EPS8: variants seen among roughly 807,000 people sequenced by gnomAD.
EPS8 encodes EGFR pathway substrate 8, signaling adaptor, also known as epidermal growth factor receptor kinase substrate 8.
A neutral mutation model predicts 103.8 loss-of-function variants in EPS8; 42 were observed. The observed-to-expected ratio is 0.40, with a 90% confidence interval of 0.32 to 0.52. EPS8 has a LOEUF of 0.52. EPS8 is among the 20% of genes least tolerant of loss of function. EPS8 has a pLI of 0.40. For synonymous variants in EPS8, 344 were observed against 344.6 expected, an observed-to-expected ratio of 1.00 and a Z score of 0.02; for missense variants, 969 against 1,005.1, an observed-to-expected ratio of 0.96 and a Z score of 0.49.
In EPS8 at chr12:15,693,210, C is replaced by T. The variant is rs1051529176; in HGVS notation, c.-21-10238G>A. On this transcript the variant is annotated intron_variant, in intron 1 of 20. Coordinates refer to ENST00000281172, the MANE Select transcript of EPS8 (RefSeq NM_004447.6). This position sits in a 1 kb window ranked among gnomAD's most constrained non-coding sequence, Gnocchi z 5.6. Reference sequence around the variant, plus strand: ...TCAGTCAGGTTCTCCAAGGAAGTATCTTCCCATTCCATGTTTAGAGAATGT... The same window carrying T: ...TCAGTCAGGTTCTCCAAGGAAGTATTTTCCCATTCCATGTTTAGAGAATGT... 2.0e-5 allele frequency among the ~76,000 whole-genome samples: 3 copies of T among 152,192 alleles called. No homozygotes were observed. Among genetic ancestry groups the T allele is most frequent in the African/African-American group, 7.2e-5 (3 of 41,438 alleles).
chr12:15,651,655 T>C (rs1171734293), intron 13 of EPS8, among the ~76,000 whole-genome samples: 1 of 152,212 alleles, frequency 6.6e-6, no homozygotes, highest in African/African-American at 2.4e-5. Flanking sequence ...ATCCTAATCA[T>C]TCATGAACCA....
chr12:15,788,278 T>A (rs1035573607), intron 1 of EPS8, among the ~76,000 whole-genome samples: 6 of 152,220 alleles, frequency 3.9e-5, no homozygotes, highest in Admixed American at 3.3e-4. Flanking sequence ...CACATTTCAC[T>A]GAAACATATT....
chr12:15,687,617 T>C (rs1394894528), intron 1 of EPS8, among the ~76,000 whole-genome samples: 1 of 152,222 alleles, frequency 6.6e-6, no homozygotes, highest in Non-Finnish European at 1.5e-5. Context: ...AAATTTAATA[T>C]GCAACTTTAG....
chr12:15,654,544 T>C, intron 12 of EPS8: 1 of 472,010 alleles, frequency 2.1e-6, no homozygotes, highest in East Asian at 4.1e-5. Flanking sequence ...GGGCTGCATA[T>C]GACTATAGTT....
intron 1 of EPS8, among the ~76,000 whole-genome samples, chr12:15,708,708 T>G (rs1157048373): frequency 6.6e-6 from 1 of 152,190 alleles, no homozygotes; most frequent in African/African-American, 2.4e-5. Flanking sequence ...ATATCAATCA[T>G]GAAAGAATAA....
At chr12:15,636,359 T>G (rs940670710) in intron 17 of EPS8, among the ~76,000 whole-genome samples, 3 of 152,240 alleles carry the variant, frequency 2.0e-5, no homozygotes, top group African/African-American at 7.2e-5. Context: ...TTTGTAAATT[T>G]TTATTACTTT....
rs954295721 is a variant in EPS8, at chr12:15,736,988, T to C, written c.-22+52173A>G. Among the ~76,000 whole-genome samples, 2 of 152,186 alleles carry C rather than the reference T, an allele frequency of 1.3e-5. No homozygotes were observed. The highest frequency in any genetic ancestry group is 6.5e-5 in the Admixed American group (1 of 15,280). Reference sequence around the variant, plus strand: ...ACTTTAATTCATGTAGCTAGACAGCTAGGAAACTCAGTTGTTTTTGAATTT... The same window carrying C: ...ACTTTAATTCATGTAGCTAGACAGCCAGGAAACTCAGTTGTTTTTGAATTT... On this transcript the variant is annotated intron_variant, in intron 1 of 20. Transcript: ENST00000281172. This position sits in a 1 kb window ranked among gnomAD's most constrained non-coding sequence, Gnocchi z 4.2.
In EPS8 at chr12:15,771,473, CAG is replaced by C. The variant is rs1466956529; in HGVS notation, c.-22+17686_-22+17687del. ...AATTGAAGTAGGACAGAGGCAGATA[CAG>C]AGACATTCAGGAGGGAATAGCTTAA... On this transcript the variant is annotated intron_variant, in intron 1 of 20. Transcript: ENST00000281172. This position sits in a 1 kb window ranked among gnomAD's most constrained non-coding sequence, Gnocchi z 4.6. 6.6e-6 allele frequency among the ~76,000 whole-genome samples: 1 copy of C among 152,116 alleles called. No individual in the cohort carries two copies. Among genetic ancestry groups the C allele is most frequent in the Non-Finnish European group, 1.5e-5 (1 of 68,028 alleles).
In EPS8 at chr12:15,772,393, C is replaced by T. The variant is rs1231982634; in HGVS notation, c.-22+16768G>A. 6.6e-6 allele frequency among the ~76,000 whole-genome samples: 1 copy of T among 152,092 alleles called. No individual in the cohort carries two copies. The highest frequency in any genetic ancestry group is 1.5e-5 in the Non-Finnish European group (1 of 68,022). On this transcript the variant is annotated intron_variant, in intron 1 of 20. Transcript: ENST00000281172. The surrounding 1 kb of genome is among the most constrained non-coding windows in gnomAD (Gnocchi z 5.0). Reference sequence around the variant, plus strand: ...GCATCACCTGAAGAACTGAGAGTAACTGTTCTAAACGAAACACTGAGGTTC... The same window carrying T: ...GCATCACCTGAAGAACTGAGAGTAATTGTTCTAAACGAAACACTGAGGTTC...
At chr12:15,663,920 C>CAAA (rs10590703) in intron 8 of EPS8, among the ~76,000 whole-genome samples, 8 of 9,048 alleles carry the variant, frequency 8.8e-4, no homozygotes, top group African/African-American at 1.4e-3. Context: ...CACTCCATCT[C>CAAA]AAAAAAAAAA....
At chr12:15,626,996 T>C (rs1425264422) in intron 18 of EPS8, among the ~76,000 whole-genome samples, 1 of 152,148 alleles carries the variant, frequency 6.6e-6, no homozygotes, top group African/African-American at 2.4e-5. Flanking sequence ...ATAGATAGTT[T>C]TGTCTATCAT....
At position 15,738,995 on chromosome 12, in the gene EPS8, T is replaced by C. The variant is rs1283838891; in HGVS notation, c.-22+50166A>G. 1.3e-5 allele frequency among the ~76,000 whole-genome samples: 2 copies of C among 152,218 alleles called. No individual in the cohort carries two copies. The highest frequency in any genetic ancestry group is 2.4e-5 in the African/African-American group (1 of 41,458). On this transcript the variant is annotated intron_variant, in intron 1 of 20. Coordinates refer to ENST00000281172, the MANE Select transcript of EPS8 (RefSeq NM_004447.6). The surrounding 1 kb of genome is among the most constrained non-coding windows in gnomAD (Gnocchi z 6.2). ...GGCATGTCTATGCAGATTGCTCTAA[T>C]ATAGCACAGACTACATCCCTGGGTT...
chr12:15,658,145 C>A lies in EPS8; in HGVS notation c.1035G>T (p.Leu345=). The change falls in exon 12 of 21, where the codon CTG becomes CTT. Residue 345 remains leucine, a synonymous_variant. Coordinates refer to ENST00000281172, the MANE Select transcript of EPS8 (RefSeq NM_004447.6). ...CACTAGGATTCTGAATATGAGACTT[C>A]AGTTTGGCCTGCAACATGAAGAAAA... is the stretch of plus-strand genomic sequence containing the variant. ...FKHGFNLLAK[L]KSHIQNPSAA... The A allele has an allele frequency of 6.2e-7, 1 of 1,609,988 alleles. No homozygotes were observed. Among genetic ancestry groups the A allele is most frequent in the Non-Finnish European group, 8.5e-7 (1 of 1,177,226 alleles).
chr12:15,641,878 A>C (rs776497727), intron 15 of EPS8, 48 bp from the exon 16 acceptor site: 2 of 1,101,822 alleles, frequency 1.8e-6, no homozygotes, highest in Non-Finnish European at 2.6e-6. Flanking sequence ...CTCTTCCTAA[A>C]GGATAAAAAT....
At chr12:15,750,441 A>G (rs2136017543) in intron 1 of EPS8, among the ~76,000 whole-genome samples, 1 of 152,324 alleles carries the variant, frequency 6.6e-6, no homozygotes, top group African/African-American at 2.4e-5. Flanking sequence ...CAATTTGAGC[A>G]TTTGGGTTGT....
At chr12:15,654,680 A>C (rs967192611) in intron 12 of EPS8, among the ~76,000 whole-genome samples, 2 of 152,146 alleles carry the variant, frequency 1.3e-5, no homozygotes, top group African/African-American at 2.4e-5. Context: ...AAACTTGAAA[A>C]ATGCGGTTCC....
intron 6 of EPS8, among the ~76,000 whole-genome samples, chr12:15,669,001 C>T (rs533668865): frequency 6.6e-6 from 1 of 152,298 alleles, no homozygotes; most frequent in East Asian, 1.9e-4. Context: ...AGAGATCTTC[C>T]TCCCTTAGCC....
At chr12:15,746,126 T>C (rs1411194142) in intron 1 of EPS8, among the ~76,000 whole-genome samples, 1 of 152,204 alleles carries the variant, frequency 6.6e-6, no homozygotes, top group African/African-American at 2.4e-5. Flanking sequence ...CAGTCAGTGA[T>C]GCATCTAATA....
chr12:15,680,941 C>T (rs780506406), intron 3 of EPS8, among the ~76,000 whole-genome samples: 14 of 152,010 alleles, frequency 9.2e-5, no homozygotes, highest in Non-Finnish European at 2.1e-4. Context: ...AACATTATTA[C>T]AAGTAGTAAA....
Sources: allele counts gnomAD v4.1 joint callset (sites outside exome capture counted in the v4.1 genomes callset), GRCh38; gene constraint gnomAD v4.1.1; non-coding constraint Gnocchi (gnomAD v3.1); transcripts MANE v1.5; gene names NCBI Gene and HGNC (gene_info 2026-07-23, HGNC 2026-07-21).